Variants in CNTN5 observed in about 807,000 individuals in gnomAD.
CNTN5 encodes contactin 5.
Under a neutral mutation model 129.1 loss-of-function variants are expected in CNTN5, and 77 were observed. The observed-to-expected ratio is 0.60, with a 90% CI of 0.50 to 0.72. The LOEUF (loss-of-function observed/expected upper bound fraction) is 0.72, where lower values mean the gene tolerates loss of function less well. Among genes scored for constraint, CNTN5 ranks in the 30% least tolerant of loss-of-function variants. The pLI is 0.00. For synonymous variants in CNTN5, 509 were observed against 465.6 expected (o/e 1.09, Z -1.20); for missense variants, 1,478 against 1,328.8 (o/e 1.11, Z -1.75).
At chr11:99,478,945 T>G (rs2135304004) in intron 2 of CNTN5, among the ~76,000 whole-genome samples, 1 of 152,262 alleles carries the variant, frequency 6.6e-6, no homozygotes, top group South Asian at 2.1e-4. Flanking sequence ...TTCTTTTTGG[T>G]TTGTTTTAAA....
At chr11:99,683,623 A>T (rs1434402611) in intron 3 of CNTN5, among the ~76,000 whole-genome samples, 2 of 151,886 alleles carry the variant, frequency 1.3e-5, no homozygotes, top group East Asian at 3.9e-4. Flanking sequence ...GGTAATTTGC[A>T]TTTTCATAAA....
rs1273072138 is a variant in CNTN5, at chr11:99,975,571, C to A, written c.877+18562C>A. On this transcript the variant is annotated intron_variant, in intron 8 of 24. Transcript: ENST00000524871. ...TCACAGATCCACGTGGCTGGGGATG[C>A]CTCAAAAAACTTACAGTTATGGCAG... Among the ~76,000 whole-genome samples, 3 of 151,982 alleles carry A rather than the reference C, an allele frequency of 2.0e-5. No individual in the cohort carries two copies. In the East Asian group the frequency reaches 5.8e-4, roughly 29 times the overall value.
chr11:100,196,431 ATCTC>A (rs1481667729), intron 15 of CNTN5, among the ~76,000 whole-genome samples: 1 of 151,952 alleles, frequency 6.6e-6, no homozygotes, highest in Non-Finnish European at 1.5e-5. Context: ...TTGCATATAA[ATCTC>A]TAGTCAATTA....
At chr11:99,539,239 T>C (rs966899580) in intron 2 of CNTN5, among the ~76,000 whole-genome samples, 3 of 152,148 alleles carry the variant, frequency 2.0e-5, no homozygotes, top group Non-Finnish European at 2.9e-5. Flanking sequence ...AGTTAAGATG[T>C]AAATGTTATT....
intron 13 of CNTN5, among the ~76,000 whole-genome samples, chr11:100,176,250 C>T (rs1012615006): frequency 6.7e-6 from 1 of 148,774 alleles, no homozygotes; most frequent in African/African-American, 2.6e-5. Context: ...AAACTCCTGA[C>T]CTCAAGTGAC....
chr11:100,249,901 T>C (rs574563028), intron 16 of CNTN5, among the ~76,000 whole-genome samples: 1 of 152,296 alleles, frequency 6.6e-6, no homozygotes, highest in Non-Finnish European at 1.5e-5. Flanking sequence ...AAATATTTTT[T>C]CAGAAATAAA....
chr11:99,412,982 A>G (rs1386799123), intron 2 of CNTN5, among the ~76,000 whole-genome samples: 1 of 152,188 alleles, frequency 6.6e-6, no homozygotes, highest in Non-Finnish European at 1.5e-5. Flanking sequence ...ATTTGACTTT[A>G]TGACTTTATT....
chr11:99,567,916 A>G (rs1047831270), intron 3 of CNTN5, among the ~76,000 whole-genome samples: 7 of 152,196 alleles, frequency 4.6e-5, no homozygotes, highest in Non-Finnish European at 8.8e-5. Flanking sequence ...ATATTAAAAG[A>G]AAAGAAAATG....
chr11:99,629,933 T>A (rs1951277896), intron 3 of CNTN5, among the ~76,000 whole-genome samples: 1 of 151,768 alleles, frequency 6.6e-6, no homozygotes. Context: ...TATGCTCAGA[T>A]TATTATTAAA....
rs933520133 is a variant in CNTN5 at position 99,820,060 on chromosome 11, G to T, written c.277+295G>T. ...CTGGGAGATAGAGAACCTGTTTCTT[G>T]ATGGTTTCATTTCAAATGGAGAGCT... On this transcript the variant is annotated intron_variant, in intron 4 of 24. Transcript: ENST00000524871. 2.0e-5 allele frequency among the ~76,000 whole-genome samples: 3 copies of T among 152,156 alleles called. No homozygotes were observed. In the East Asian group the frequency reaches 5.8e-4, roughly 29 times the overall value.
intron 2 of CNTN5, among the ~76,000 whole-genome samples, chr11:99,371,783 C>A (rs1939840391): frequency 6.6e-6 from 1 of 152,100 alleles, no homozygotes; most frequent in Non-Finnish European, 1.5e-5. Flanking sequence ...TAATATAAAA[C>A]ACACACCCCA....
intron 3 of CNTN5, among the ~76,000 whole-genome samples, chr11:99,772,069 GT>G (rs922289700): frequency 1.8e-4 from 11 of 60,804 alleles, no homozygotes; most frequent in Admixed American, 1.7e-3. Flanking sequence ...AACTTCTGAG[GT>G]ATTTTTTTTT....
chr11:99,448,091 T>TTA (rs963356515), intron 2 of CNTN5, among the ~76,000 whole-genome samples: 2 of 152,104 alleles, frequency 1.3e-5, no homozygotes, highest in Admixed American at 6.5e-5. Context: ...TAAGTTAACA[T>TTA]TATATATATC....
chr11:100,217,140 G>A (rs1217529565), intron 15 of CNTN5, among the ~76,000 whole-genome samples: 2 of 152,110 alleles, frequency 1.3e-5, no homozygotes, highest in Non-Finnish European at 2.9e-5. Context: ...CATTACAGCT[G>A]GTTGTTACCT....
intron 6 of CNTN5, among the ~76,000 whole-genome samples, chr11:99,846,141 C>CACACAG: frequency 6.6e-6 from 1 of 151,048 alleles, no homozygotes; most frequent in South Asian, 2.1e-4. Flanking sequence ...CACACACACA[C>CACACAG]ACACACACAC....
chr11:99,639,660 G>C (rs900647366), intron 3 of CNTN5, among the ~76,000 whole-genome samples: 4 of 144,408 alleles, frequency 2.8e-5, no homozygotes, highest in African/African-American at 1.0e-4. Context: ...TGCCTCCTGG[G>C]TTCAAGCGAT....
At chr11:99,900,399 T>C (rs1949324076) in intron 6 of CNTN5, among the ~76,000 whole-genome samples, 1 of 152,072 alleles carries the variant, frequency 6.6e-6, no homozygotes, top group South Asian at 2.1e-4. Context: ...TGGTGGATTA[T>C]CTTTTTGATG....
At chr11:99,898,125 A>G (rs1331717182) in intron 6 of CNTN5, among the ~76,000 whole-genome samples, 1 of 152,106 alleles carries the variant, frequency 6.6e-6, no homozygotes, top group African/African-American at 2.4e-5. Flanking sequence ...AAAAATAGAA[A>G]AATCTTCAGC....
chr11:99,645,274 A>G (rs991494411), intron 3 of CNTN5, among the ~76,000 whole-genome samples: 1 of 150,216 alleles, frequency 6.7e-6, no homozygotes, highest in Non-Finnish European at 1.5e-5. Context: ...AAAAAAAAAA[A>G]AAAAAAAAAA....
Sources: allele counts gnomAD v4.1 joint callset (sites outside exome capture counted in the v4.1 genomes callset), GRCh38; gene constraint gnomAD v4.1.1; transcripts MANE v1.5; gene names NCBI Gene and HGNC (gene_info 2026-07-23, HGNC 2026-07-21).